MAST4: variants seen among roughly 807,000 people sequenced by gnomAD.
MAST4 encodes microtubule associated serine/threonine kinase family member 4, also known as microtubule-associated serine/threonine-protein kinase 4.
MAST4 carries 89 observed loss-of-function variants against 162.7 expected under a neutral mutation model. That is an observed-to-expected ratio of 0.55 (90% CI 0.46 to 0.65). MAST4 has a LOEUF of 0.65. Ranked by LOEUF, MAST4 falls within the 30% of genes least tolerant of loss-of-function variation. MAST4 has a pLI of 0.00. For missense variants in MAST4, 3,153 were observed against 3,374.0 expected (o/e 0.93, Z 1.62); for synonymous variants, 1,479 against 1,361.1 (o/e 1.09, Z -1.91).
rs74947168 is a variant in MAST4 at position 66,980,160 on chromosome 5, C to T, written c.675-74244C>T. On this transcript the variant is annotated intron_variant, in intron 4 of 28. Transcript: ENST00000403625. The stretch of plus-strand genomic sequence containing the variant: ...AGTAGATGAAATTTACTGTCTCTTG[C>T]GGTGGCTGAGATGTACATATCTGGC... Among the ~76,000 whole-genome samples, 82 of 152,264 alleles carry T rather than the reference C, an allele frequency of 5.4e-4. 1 individual carries two copies. In the East Asian group the frequency reaches 7.3e-3, roughly 14 times the overall value.
intron 2 of MAST4, among the ~76,000 whole-genome samples, chr5:66,762,259 T>TAA (rs35176103): frequency 1.5e-4 from 23 of 150,098 alleles, no homozygotes; most frequent in African/African-American, 2.9e-4. Context: ...TTAGAAGAGC[T>TAA]AAAAAAAAAA....
chr5:66,807,388 C>G (rs575959326), intron 3 of MAST4, among the ~76,000 whole-genome samples: 1 of 151,428 alleles, frequency 6.6e-6, no homozygotes, highest in Non-Finnish European at 1.5e-5. Flanking sequence ...CCCAGCTACT[C>G]GGGAGGCTGA....
rs1449870717 is a variant in MAST4, at chr5:66,788,770, G to A, written c.618G>A (p.Ser206=). 2 of 1,599,990 alleles carry A rather than the reference G, an allele frequency of 1.3e-6. No individual in the cohort carries two copies. The highest frequency in any genetic ancestry group is 2.2e-5 in the South Asian group (2 of 89,556). The change falls in exon 3 of 29, where the codon TCG becomes TCA. Residue 206 remains serine (S), a synonymous_variant. Coordinates refer to ENST00000403625, the MANE Select transcript of MAST4 (RefSeq NM_001164664.2). The part of the protein sequence containing the change: ...VRMRSQALGQ[S]APSLTASLKE... ...TGCGCAGCCAGGCCCTGGGCCAGTC[G>A]GCGCCCTCGCTCACCGCCAGCCTGG...
chr5:67,150,859 A>G (rs1409987192), intron 24 of MAST4, among the ~76,000 whole-genome samples: 1 of 152,178 alleles, frequency 6.6e-6, no homozygotes, highest in Non-Finnish European at 1.5e-5. Context: ...AAGATGCTAC[A>G]TGAAGTCAGA....
At chr5:66,835,781 T>C (rs1182853879) in intron 3 of MAST4, among the ~76,000 whole-genome samples, 1 of 152,170 alleles carries the variant, frequency 6.6e-6, no homozygotes. Context: ...TACTTTTTAG[T>C]TTTTGGAAGC....
At chr5:66,644,523 C>T (rs1009360660) in intron 1 of MAST4, among the ~76,000 whole-genome samples, 1 of 152,190 alleles carries the variant, frequency 6.6e-6, no homozygotes, top group Non-Finnish European at 1.5e-5. Flanking sequence ...TTCCCTGAGA[C>T]AGGTACCTAC....
chr5:66,783,408 G>A (rs1348504836), intron 2 of MAST4: 1 of 152,202 alleles, frequency 6.6e-6, no homozygotes, highest in Non-Finnish European at 1.5e-5. Context: ...CATGTTATAA[G>A]TGATGGAATC....
intron 3 of MAST4, among the ~76,000 whole-genome samples, chr5:66,847,167 A>G (rs1179225768): frequency 6.6e-6 from 1 of 152,218 alleles, no homozygotes; most frequent in Non-Finnish European, 1.5e-5. Context: ...AAAAGTTGAC[A>G]CGGATTCAAA....
At chr5:66,643,094 T>C (rs550756057) in intron 1 of MAST4, among the ~76,000 whole-genome samples, 1 of 152,342 alleles carries the variant, frequency 6.6e-6, no homozygotes, top group Admixed American at 6.5e-5. Flanking sequence ...CAGATCTGTA[T>C]TCTAGGGTAG....
intron 4 of MAST4, among the ~76,000 whole-genome samples, chr5:66,989,909 G>A (rs529717701): frequency 1.4e-4 from 21 of 152,148 alleles, no homozygotes; most frequent in Admixed American, 1.1e-3. Flanking sequence ...AAATAAATGA[G>A]CTGAGAAATG....
chr5:67,137,181 A>G (rs1769768578), intron 19 of MAST4, among the ~76,000 whole-genome samples: 1 of 152,222 alleles, frequency 6.6e-6, no homozygotes, highest in Non-Finnish European at 1.5e-5. Context: ...CTGTCCTGTC[A>G]CAGTGATCAG....
rs76848725 is a variant in MAST4 at position 66,937,126 on chromosome 5, G to A, written c.674+37144G>A. ...ACTCATGTTATTTTAAAACACTTAC[G>A]GTACTTTACTATTTAATAAATATTT... On this transcript the variant is annotated intron_variant, in intron 4 of 28. Transcript: ENST00000403625. Among the ~76,000 whole-genome samples the A allele has an allele frequency of 7.5e-3, 1,134 of 152,180 alleles. 10 individuals carry two copies. Among genetic ancestry groups the A allele is most frequent in the African/African-American group, 0.023 (951 of 41,516 alleles).
chr5:66,846,897 G>A (rs1246109765), intron 3 of MAST4, among the ~76,000 whole-genome samples: 1 of 152,076 alleles, frequency 6.6e-6, no homozygotes. Context: ...CTATAACTTT[G>A]TATGACTTAA....
intron 5 of MAST4, among the ~76,000 whole-genome samples, chr5:67,058,800 A>G (rs1759188709): frequency 6.6e-6 from 1 of 152,226 alleles, no homozygotes; most frequent in South Asian, 2.1e-4. Context: ...CGAATAAGAA[A>G]GTAGGGAAAT....
Position 66,704,122 on chromosome 5 carries a change from T to A in MAST4, c.364-55587T>A, listed in dbSNP as rs138437225. On this transcript the variant is annotated intron_variant, in intron 1 of 28. Transcript: ENST00000403625. ...AAACACACTTCTTAAGTACCTGAGG[T>A]TTTTTTTCCCTGTAACCATTTGTAT... Among the ~76,000 whole-genome samples, 24 of 152,110 alleles carry A rather than the reference T, an allele frequency of 1.6e-4. No homozygotes were observed. The East Asian group carries it at 3.9e-3, about 24-fold the overall frequency.
intron 4 of MAST4, among the ~76,000 whole-genome samples, chr5:66,957,113 TC>T (rs1422996138): frequency 1.3e-5 from 2 of 152,156 alleles, no homozygotes; most frequent in Non-Finnish European, 2.9e-5. Flanking sequence ...CTTCAGAAGA[TC>T]TGTGTGTAGA....
At chr5:66,882,970 A>G (rs929556716) in intron 3 of MAST4, among the ~76,000 whole-genome samples, 1 of 152,232 alleles carries the variant, frequency 6.6e-6, no homozygotes, top group Non-Finnish European at 1.5e-5. Context: ...CTTAGGAGGT[A>G]GACTATGACC....
chr5:67,132,093 G>A, intron 16 of MAST4, 142 bp downstream of exon 16: 1 of 930,930 alleles, frequency 1.1e-6, no homozygotes, highest in Non-Finnish European at 1.6e-6. Context: ...AGTATATATG[G>A]TAATTTGTAT....
chr5:66,926,429 C>T (rs1390069098), intron 4 of MAST4, among the ~76,000 whole-genome samples: 2 of 152,030 alleles, frequency 1.3e-5, no homozygotes, highest in Admixed American at 1.3e-4. Context: ...CACCTGTAGT[C>T]TCAGCTACAC....
Sources: allele counts gnomAD v4.1 joint callset (sites outside exome capture counted in the v4.1 genomes callset), GRCh38; gene constraint gnomAD v4.1.1; transcripts MANE v1.5; gene names NCBI Gene and HGNC (gene_info 2026-07-23, HGNC 2026-07-21).